The following NCOR2 variants were observed in gnomAD, a reference collection of about 807,000 sequenced individuals.
NCOR2 encodes the protein CTG repeat protein 26.
Under a neutral mutation model 262.9 loss-of-function variants are expected in NCOR2, and 81 were observed. The ratio of observed to expected loss-of-function variants is 0.31; its 90% CI spans 0.26 to 0.37. The LOEUF (loss-of-function observed/expected upper bound fraction) is 0.37. NCOR2 is among the 10% of genes least tolerant of loss of function. The pLI is 1.00. For missense variants in NCOR2, 3,385 were observed against 3,621.4 expected (o/e 0.93, Z 1.68); for synonymous variants, 1,659 against 1,559.3 (o/e 1.06, Z -1.51).
upstream of NCOR2, among the ~76,000 whole-genome samples, chr12:124,496,314 C>T (rs2048379013): frequency 6.6e-6 from 1 of 151,938 alleles, no homozygotes; most frequent in African/African-American, 2.4e-5. The surrounding 1 kb of genome is among the most constrained non-coding windows in gnomAD (Gnocchi z 4.4). Context: ...GGTCCCATCC[C>T]AGACCAAGGC....
chr12:124,429,486 C>G, intron 10 of NCOR2, 127 bp downstream of exon 12: 1 of 968,282 alleles, frequency 1.0e-6, no homozygotes, highest in South Asian at 1.6e-5. Flanking sequence ...TTGATTCCAC[C>G]CGCGCTTCGG....
At chr12:124,400,814 G>A (rs1202223946) in intron 14 of NCOR2, 141 bp from the exon 17 acceptor site, 2 of 1,090,636 alleles carry the variant, frequency 1.8e-6, no homozygotes, top group African/African-American at 3.2e-5. Context: ...GAGGGGGAGA[G>A]GCCTGAGGTG....
At chr12:124,361,863 C>G (rs1238162923) in intron 22 of NCOR2, among the ~76,000 whole-genome samples, 1 of 152,250 alleles carries the variant, frequency 6.6e-6, no homozygotes, top group African/African-American at 2.4e-5. Context: ...GCTGGAAGAA[C>G]CACCCCAGGC....
intron 1 of NCOR2, among the ~76,000 whole-genome samples, chr12:124,522,715 C>A (rs1593964717): frequency 6.6e-6 from 1 of 152,366 alleles, no homozygotes; most frequent in East Asian, 1.9e-4. Context: ...AGTCGCATGC[C>A]CGGAAACACC....
chr12:124,551,979 T>C (rs1049008291), intron 1 of NCOR2, among the ~76,000 whole-genome samples: 4 of 151,898 alleles, frequency 2.6e-5, no homozygotes, highest in African/African-American at 7.3e-5. Context: ...TGGTCAACCA[T>C]TGGGACCAGG....
At chr12:124,497,909 C>A (rs932797440), upstream of NCOR2, among the ~76,000 whole-genome samples, 5 of 152,226 alleles carry the variant, frequency 3.3e-5, no homozygotes, top group African/African-American at 1.2e-4. This position sits in a 1 kb window ranked among gnomAD's most constrained non-coding sequence, Gnocchi z 4.2. Flanking sequence ...AAACAAGAGT[C>A]TGGCCCTGGG....
intron 18 of NCOR2, among the ~76,000 whole-genome samples, chr12:124,376,456 G>C (rs762824371): frequency 5.3e-5 from 8 of 152,216 alleles, no homozygotes; most frequent in Non-Finnish European, 7.3e-5. Flanking sequence ...TTCTGCTCCC[G>C]GGGTCTTCTC....
chr12:124,486,500 G>A (rs1027931435), exon 2 of NCOR2: 4 of 1,609,920 alleles, frequency 2.5e-6, no homozygotes, highest in Non-Finnish European at 3.4e-6. Context: ...GGGGCTGGAT[G>A]ATGGAGCCGG....
intron 1 of NCOR2, among the ~76,000 whole-genome samples, chr12:124,547,409 A>G (rs985641953): frequency 1.3e-5 from 2 of 152,206 alleles, no homozygotes; most frequent in African/African-American, 4.8e-5. Flanking sequence ...AGGGTTCCAT[A>G]CTGTCTGCAG....
intron 1 of NCOR2, among the ~76,000 whole-genome samples, chr12:124,508,120 C>T (rs1351926764): frequency 6.6e-6 from 1 of 152,240 alleles, no homozygotes; most frequent in Non-Finnish European, 1.5e-5. Context: ...TCCTGCCTCC[C>T]CAACCCATCC....
intron 11 of NCOR2, among the ~76,000 whole-genome samples, chr12:124,423,913 G>A (rs541810881): frequency 2.6e-5 from 4 of 152,336 alleles, no homozygotes; most frequent in South Asian, 4.1e-4. Flanking sequence ...TGGCCAGCAC[G>A]TGGTGGAGCC....
intron 1 of NCOR2, among the ~76,000 whole-genome samples, chr12:124,556,731 TC>T (rs2051894223): frequency 6.6e-6 from 1 of 151,842 alleles, no homozygotes; most frequent in Non-Finnish European, 1.5e-5. Flanking sequence ...GCGCCTATAA[TC>T]CGTTACTCAG....
intron 13 of NCOR2, among the ~76,000 whole-genome samples, chr12:124,404,089 C>T (rs752525196): frequency 6.6e-6 from 1 of 152,220 alleles, no homozygotes; most frequent in Admixed American, 6.5e-5. Context: ...TTTAAACAGC[C>T]GGCAGGTGAA....
rs376103720 is a variant in NCOR2 at position 124,407,740 on chromosome 12, C to T, written c.1483-5179G>A. Among the ~76,000 whole-genome samples, 10 of 152,334 alleles carry T rather than the reference C, an allele frequency of 6.6e-5. No homozygotes were observed. In the South Asian group the frequency reaches 8.3e-4, roughly 13 times the overall value. On this transcript the variant is annotated intron_variant, in intron 13 of 46. Transcript: ENST00000405201. ...AGAACTTCCCAAAACCCAGCAACAC[C>T]GTCTGTGGCTCAATCTCATGCACTC... is the stretch of plus-strand genomic sequence containing the variant.
chr12:124,498,912 G>A (rs982618753), upstream of NCOR2, among the ~76,000 whole-genome samples: 1 of 152,180 alleles, frequency 6.6e-6, no homozygotes, highest in African/African-American at 2.4e-5. Flanking sequence ...CTGACTCCAC[G>A]GATATGAAAT....
At chr12:124,505,146 G>A (rs1002040495) in intron 1 of NCOR2, among the ~76,000 whole-genome samples, 3 of 151,990 alleles carry the variant, frequency 2.0e-5, no homozygotes, top group Admixed American at 6.6e-5. Context: ...TATTTGCCAC[G>A]TCCCCTCCTA....
At chr12:124,335,669 C>A in intron 38 of NCOR2, 37 bp from the exon 41 acceptor site, 1 of 1,565,918 alleles carries the variant, frequency 6.4e-7, no homozygotes, top group South Asian at 1.1e-5. Context: ...AGGCACCGGG[C>A]CCAGGGTTTC....
chr12:124,459,642 G>A (rs978989134), intron 5 of NCOR2, among the ~76,000 whole-genome samples: 8 of 152,144 alleles, frequency 5.3e-5, no homozygotes, highest in South Asian at 2.1e-4. Flanking sequence ...CTGCAAGGAC[G>A]TTCTGCAGGG....
At chr12:124,544,120 G>T (rs913049007) in intron 1 of NCOR2, among the ~76,000 whole-genome samples, 5 of 152,302 alleles carry the variant, frequency 3.3e-5, no homozygotes, top group African/African-American at 1.2e-4. Context: ...CGGGGAGGGA[G>T]ATGAATGGAA....
Sources: gnomAD v4.1 joint callset for allele counts (sites outside exome capture counted in the v4.1 genomes callset) on GRCh38, gnomAD v4.1.1 for gene constraint, Gnocchi (gnomAD v3.1) non-coding constraint, MANE v1.5 for transcripts, NCBI Gene and HGNC (gene_info 2026-07-23, HGNC 2026-07-21) for gene names.